SMOX: variants seen among roughly 807,000 people sequenced by gnomAD.
SMOX encodes the protein spermine oxidase, also known as flavin containing amine oxidase.
Under a neutral mutation model 51.0 loss-of-function variants are expected in SMOX, and 22 were observed. That is an observed-to-expected ratio of 0.43 (90% CI 0.31 to 0.62). SMOX has a LOEUF of 0.62. Ranked by LOEUF, SMOX falls within the 20% of genes least tolerant of loss-of-function variation. SMOX has a pLI of 0.10. For synonymous variants in SMOX, 282 were observed against 307.8 expected, an observed-to-expected ratio of 0.92 and a Z score of 0.88; for missense variants, 566 against 777.7, an observed-to-expected ratio of 0.73 and a Z score of 3.24.
At chr20:4,179,585 A>G (rs967837954) in intron 3 of SMOX, among the ~76,000 whole-genome samples, 1 of 152,246 alleles carries the variant, frequency 6.6e-6, no homozygotes, top group Non-Finnish European at 1.5e-5. Context: ...AGAGCCACTC[A>G]TCTGAATGTA....
chr20:4,163,406 G>A (rs1986423691), intron 1 of SMOX, among the ~76,000 whole-genome samples: 1 of 152,192 alleles, frequency 6.6e-6, no homozygotes, highest in Admixed American at 6.5e-5. Context: ...TCAGAACAGC[G>A]GGGTCTGAGG....
chr20:4,186,491 A>G (rs192919804), intron 6 of SMOX, among the ~76,000 whole-genome samples: 14 of 152,212 alleles, frequency 9.2e-5, no homozygotes, highest in Non-Finnish European at 1.8e-4. Flanking sequence ...CAAAATTCTC[A>G]CTGTCCCCCG....
At chr20:4,159,893 A>G (rs897288166) in intron 1 of SMOX, among the ~76,000 whole-genome samples, 2 of 152,174 alleles carry the variant, frequency 1.3e-5, no homozygotes, top group Admixed American at 1.3e-4. Context: ...TTCTATGGAA[A>G]GTGCTTTATT....
rs763528122 is a variant in SMOX at position 4,183,473 on chromosome 20, G to A, written c.1370-21G>A. 1 of 1,614,044 alleles carries A rather than the reference G, an allele frequency of 6.2e-7. No individual in the cohort carries two copies. The highest frequency in any genetic ancestry group is 1.1e-5 in the South Asian group (1 of 91,076). ...CCATTTCTTATCCTCCCTCCTCTTG[G>A]CTTTTCTGACTCTCCATCAGGGAAC... On this transcript the variant is annotated intron_variant, in intron 5 of 6. Coordinates refer to ENST00000305958, the MANE Select transcript of SMOX (RefSeq NM_175839.3). The surrounding 1 kb of genome is among the most constrained non-coding windows in gnomAD (Gnocchi z 4.3).
chr20:4,177,309 G>T lies in SMOX; in HGVS notation c.209-42G>T, dbSNP rs1176514475. 6 of 1,514,390 alleles carry T rather than the reference G, an allele frequency of 4.0e-6. No individual in the cohort carries two copies. In the African/African-American group the frequency reaches 5.5e-5, roughly 14 times the overall value. The allele number at this position is 1,514,390 out of a possible 1,614,324, so 93.8% of individuals were successfully genotyped here. A position where few individuals can be genotyped will look rare whatever the true frequency, so the allele number is the denominator to read the frequency against. ...GGAAGCAGTGCTGGCCCTCTCTGGA[G>T]AAGTCCCTAAGCCTCTAAGGGCCTG... On this transcript the variant is annotated intron_variant, in intron 2 of 6. Coordinates refer to ENST00000305958, the MANE Select transcript of SMOX (RefSeq NM_175839.3). This position sits in a 1 kb window ranked among gnomAD's most constrained non-coding sequence, Gnocchi z 4.3.
At chr20:4,179,059 A>C (rs1157788099) in intron 3 of SMOX, among the ~76,000 whole-genome samples, 4 of 152,174 alleles carry the variant, frequency 2.6e-5, no homozygotes, top group African/African-American at 7.2e-5. Flanking sequence ...TGCTCTATGG[A>C]GGACAGGCAC....
rs1986682165 is a variant in SMOX, at chr20:4,168,667, C to T, written c.-26-6363C>T. Among the ~76,000 whole-genome samples, 3 of 151,980 alleles carry T rather than the reference C, an allele frequency of 2.0e-5. No individual in the cohort carries two copies. In the South Asian group the frequency reaches 6.2e-4, roughly 32 times the overall value. ...TGCCTCCTGGGTTCAAGCGATTCTCCTGCCTCAGCCTCCCGAGTAGCTGGG... is the reference window on the plus strand; with the variant it reads ...TGCCTCCTGGGTTCAAGCGATTCTCTTGCCTCAGCCTCCCGAGTAGCTGGG... On this transcript the variant is annotated intron_variant, in intron 1 of 6. Coordinates refer to ENST00000305958, the MANE Select transcript of SMOX (RefSeq NM_175839.3).
chr20:4,179,504 C>G (rs1448898398), intron 3 of SMOX, among the ~76,000 whole-genome samples: 1 of 152,176 alleles, frequency 6.6e-6, no homozygotes, highest in Non-Finnish European at 1.5e-5. Flanking sequence ...GAGGGGTGCT[C>G]TAAGCACGTG....
intron 1 of SMOX, among the ~76,000 whole-genome samples, chr20:4,154,895 A>G (rs1985934295): frequency 6.6e-6 from 1 of 151,290 alleles, no homozygotes; most frequent in Non-Finnish European, 1.5e-5. Flanking sequence ...GACAGAGGGG[A>G]CTGTAGAAGA....
Position 4,182,029 on chromosome 20 carries a change from C to G in SMOX, c.609+53C>G, listed in dbSNP as rs1361748534. On this transcript the variant is annotated intron_variant, in intron 4 of 6. Transcript: ENST00000305958. The surrounding 1 kb of genome is among the most constrained non-coding windows in gnomAD (Gnocchi z 8.4). ...GCGTCTGGGTCTGAGGAGGGCTACG[C>G]TGCTCCTACCCCTGCCCAACCCCGG... 1 of 1,597,824 alleles carries G rather than the reference C, an allele frequency of 6.3e-7. No individual in the cohort carries two copies. Among genetic ancestry groups the G allele is most frequent in the South Asian group, 1.1e-5 (1 of 88,656 alleles).
At chr20:4,179,893 G>C (rs535561553) in intron 3 of SMOX, among the ~76,000 whole-genome samples, 1 of 152,318 alleles carries the variant, frequency 6.6e-6, no homozygotes, top group African/African-American at 2.4e-5. Context: ...ACATTGGGAA[G>C]GTGTCGAATA....
intron 1 of SMOX, among the ~76,000 whole-genome samples, chr20:4,168,522 G>C (rs1190436079): frequency 6.6e-6 from 1 of 152,164 alleles, no homozygotes; most frequent in African/African-American, 2.4e-5. Flanking sequence ...TGTTCGGAGG[G>C]GGCCAGAGAT....
In SMOX at chr20:4,182,721, C is replaced by T; in HGVS notation, c.1242C>T (p.Leu414=). 6.2e-7 allele frequency: 1 copy of T among 1,614,218 alleles called. No individual in the cohort carries two copies. Residue 414 remains leucine, a synonymous_variant, in exon 5 of 7, where the codon CTC becomes CTT. Coordinates refer to ENST00000305958, the MANE Select transcript of SMOX (RefSeq NM_175839.3). This position sits in a 1 kb window ranked among gnomAD's most constrained non-coding sequence, Gnocchi z 8.4. ...GCAAGATCTGCGGCTTTGATGTCCTCTACCCGCCTGAGCGCTACGGCCATG... is the reference window on the plus strand; with the variant it reads ...GCAAGATCTGCGGCTTTGATGTCCTTTACCCGCCTGAGCGCTACGGCCATG... ...WYRKICGFDV[L]YPPERYGHVL...
intron 1 of SMOX, among the ~76,000 whole-genome samples, chr20:4,160,780 C>T (rs769092086): frequency 3.9e-5 from 6 of 152,194 alleles, no homozygotes; most frequent in Non-Finnish European, 8.8e-5. Context: ...CCCGTCTCCA[C>T]CTTCAGGGAG....
Position 4,170,551 on chromosome 20 carries a change from G to C in SMOX, c.-26-4479G>C, listed in dbSNP as rs1411260678. On this transcript the variant is annotated intron_variant, in intron 1 of 6. Coordinates refer to ENST00000305958, the MANE Select transcript of SMOX (RefSeq NM_175839.3). The surrounding 1 kb of genome is among the most constrained non-coding windows in gnomAD (Gnocchi z 4.6). ...GTGCCATCTCAGCTCACTGCAACTA[G>C]AGCGTAAATTTCTGAGGGTGTCAAA... is the stretch of plus-strand genomic sequence containing the variant. Among the ~76,000 whole-genome samples, 2 of 152,044 alleles carry C rather than the reference G, an allele frequency of 1.3e-5. No homozygotes were observed. The highest frequency in any genetic ancestry group is 2.9e-5 in the Non-Finnish European group (2 of 68,004).
intron 1 of SMOX, among the ~76,000 whole-genome samples, chr20:4,158,048 C>A (rs1436441290): frequency 5.3e-5 from 8 of 150,432 alleles, no homozygotes; most frequent in African/African-American, 2.0e-4. Flanking sequence ...CTACAGGCGC[C>A]CGCCACCACG....
rs779043460 is a variant in SMOX at position 4,181,832 on chromosome 20, G to A, written c.465G>A (p.Arg155=). The A allele has an allele frequency of 2.4e-5, 39 of 1,614,080 alleles. No individual in the cohort carries two copies. Among genetic ancestry groups the A allele is most frequent in the Non-Finnish European group, 3.2e-5 (38 of 1,179,994 alleles). The part of the protein sequence containing the change: ...EVYNLTQEFF[R]HDKPVNAESQ... ...ATAACTTGACCCAGGAGTTCTTCCG[G>A]CACGATAAACCAGTCAATGCTGAAA... Residue 155 remains arginine, a synonymous_variant, in exon 4 of 7, where the codon CGG becomes CGA. Coordinates refer to ENST00000305958, the MANE Select transcript of SMOX (RefSeq NM_175839.3). This position sits in a 1 kb window ranked among gnomAD's most constrained non-coding sequence, Gnocchi z 5.6.
chr20:4,183,787 T>A lies in SMOX; in HGVS notation c.1530+133T>A. 9.9e-7 allele frequency: 1 copy of A among 1,006,830 alleles called. No homozygotes were observed. Among genetic ancestry groups the A allele is most frequent in the Non-Finnish European group, 1.4e-6 (1 of 739,010 alleles). The allele number at this position is 1,006,830 out of a possible 1,614,324, so 62.4% of individuals were successfully genotyped here. ...TGAGGCAGGGATGGAGTAGCTTCTG[T>A]AATGAGAGAGAACACAAGGAAAAAA... On this transcript the variant is annotated intron_variant, in intron 6 of 6. Coordinates refer to ENST00000305958, the MANE Select transcript of SMOX (RefSeq NM_175839.3). The surrounding 1 kb of genome is among the most constrained non-coding windows in gnomAD (Gnocchi z 4.3).
Position 4,182,411 on chromosome 20 carries a change from G to T in SMOX, c.932G>T (p.Trp311Leu). 3.7e-6 allele frequency: 6 copies of T among 1,602,522 alleles called. No homozygotes were observed. The highest frequency in any genetic ancestry group is 5.1e-6 in the Non-Finnish European group (6 of 1,173,922). ...RGGRWDEDEQ[W>L]SVVVECEDCE... Reference sequence around the variant, plus strand: ...GGCAGGTGGGATGAGGATGAGCAGTGGTCGGTGGTGGTGGAGTGCGAGGAC... The same window carrying T: ...GGCAGGTGGGATGAGGATGAGCAGTTGTCGGTGGTGGTGGAGTGCGAGGAC... Residue 311 changes from tryptophan to leucine, a missense_variant, in exon 5 of 7, where the codon TGG becomes TTG. By Grantham distance (61) the Trp-to-Leu change is moderately conservative (BLOSUM62 -2). Around this residue, in one of 3 missense-constraint regions of SMOX, gnomAD observed 347 missense variants for 481.8 expected, o/e 0.72. Transcript: ENST00000305958. The surrounding 1 kb of genome is among the most constrained non-coding windows in gnomAD (Gnocchi z 8.4).
Sources: gnomAD v4.1 joint callset for allele counts (sites outside exome capture counted in the v4.1 genomes callset) on GRCh38, gnomAD v4.1.1 for gene constraint, gnomAD v4.1.1 regional missense constraint, Gnocchi (gnomAD v3.1) non-coding constraint, MANE v1.5 for transcripts, NCBI Gene and HGNC (gene_info 2026-07-23, HGNC 2026-07-21) for gene names.